The following CNTNAP2 variants were observed in gnomAD, a reference collection of about 807,000 sequenced individuals.
The protein encoded by CNTNAP2 is contactin-associated protein-like 2.
Under a neutral mutation model 155.2 loss-of-function variants are expected in CNTNAP2, and 98 were observed. The observed-to-expected ratio is 0.63, with a 90% CI of 0.54 to 0.75. The LOEUF (loss-of-function observed/expected upper bound fraction) is 0.75. Among genes scored for constraint, CNTNAP2 ranks in the 30% least tolerant of loss-of-function variants. The pLI is 0.00. For synonymous variants in CNTNAP2, 651 were observed against 631.2 expected (o/e 1.03, Z -0.47); for missense variants, 1,727 against 1,688.1 (o/e 1.02, Z -0.40).
intron 10 of CNTNAP2, 85 bp from the exon 11 acceptor site, chr7:147,485,849 TA>T: frequency 7.9e-7 from 1 of 1,262,448 alleles, no homozygotes; most frequent in Non-Finnish European, 1.2e-6. Context: ...ATTGAAATGA[TA>T]TATTGCCCAG....
At chr7:147,414,976 A>G (rs1381789692) in intron 10 of CNTNAP2, among the ~76,000 whole-genome samples, 1 of 151,630 alleles carries the variant, frequency 6.6e-6, no homozygotes, top group Non-Finnish European at 1.5e-5. Context: ...AAAGAAAAAA[A>G]AGAAATGGAT....
intron 4 of CNTNAP2, among the ~76,000 whole-genome samples, chr7:147,069,416 G>A (rs1035354251): frequency 6.6e-6 from 1 of 152,082 alleles, no homozygotes; most frequent in African/African-American, 2.4e-5. Flanking sequence ...CAGAAGAAGG[G>A]GATTATACAG....
intron 21 of CNTNAP2, among the ~76,000 whole-genome samples, chr7:148,312,603 C>T (rs576198910): frequency 2.0e-5 from 3 of 152,172 alleles, no homozygotes; most frequent in South Asian, 2.1e-4. Context: ...GGGTTTGGCA[C>T]CACAGGGTGG....
At chr7:146,508,008 G>T (rs1797409938) in intron 1 of CNTNAP2, among the ~76,000 whole-genome samples, 1 of 152,200 alleles carries the variant, frequency 6.6e-6, no homozygotes, top group African/African-American at 2.4e-5. Flanking sequence ...TCAAATCCGT[G>T]ATAGACAGCA....
chr7:146,456,245 G>A (rs1290133660), intron 1 of CNTNAP2, among the ~76,000 whole-genome samples: 1 of 152,156 alleles, frequency 6.6e-6, no homozygotes, highest in East Asian at 1.9e-4. Flanking sequence ...CTTTAGGTAT[G>A]TATGTATATA....
Position 148,110,858 on chromosome 7 carries a change from A to T in CNTNAP2, c.2384-7260A>T, listed in dbSNP as rs550738788. Among the ~76,000 whole-genome samples, 11 of 152,312 alleles carry T rather than the reference A, an allele frequency of 7.2e-5. No individual in the cohort carries two copies. In the South Asian group the frequency reaches 2.3e-3, roughly 32 times the overall value. Reference sequence around the variant, plus strand: ...ATGGGGGTAAAGCTCCTTAATAAAAACAGAGGAAATTGACTTAATAAGGTT... The same window carrying T: ...ATGGGGGTAAAGCTCCTTAATAAAATCAGAGGAAATTGACTTAATAAGGTT... On this transcript the variant is annotated intron_variant, in intron 15 of 23. Transcript: ENST00000361727.
chr7:147,969,938 T>A (rs199515984), intron 14 of CNTNAP2, among the ~76,000 whole-genome samples: 3 of 119,942 alleles, frequency 2.5e-5, no homozygotes, highest in Non-Finnish European at 3.8e-5. Flanking sequence ...ATTTTATTTA[T>A]TTTATTTTAT....
intron 8 of CNTNAP2, among the ~76,000 whole-genome samples, chr7:147,229,718 G>C (rs569085720): frequency 6.6e-6 from 1 of 152,048 alleles, no homozygotes; most frequent in Non-Finnish European, 1.5e-5. Flanking sequence ...TGTCTATGTC[G>C]ACAAAGGCAT....
At chr7:147,803,277 G>A (rs1386890597) in intron 13 of CNTNAP2, among the ~76,000 whole-genome samples, 1 of 152,148 alleles carries the variant, frequency 6.6e-6, no homozygotes, top group Non-Finnish European at 1.5e-5. Context: ...ATAGTCCAGT[G>A]TTTTTCAGCC....
chr7:146,194,152 A>G (rs572613840), intron 1 of CNTNAP2, among the ~76,000 whole-genome samples: 1 of 152,266 alleles, frequency 6.6e-6, no homozygotes, highest in South Asian at 2.1e-4. Context: ...AACTGTTCCA[A>G]GCTCTGCCTG....
At chr7:147,367,805 A>T (rs1047100954) in intron 9 of CNTNAP2, among the ~76,000 whole-genome samples, 1 of 152,084 alleles carries the variant, frequency 6.6e-6, no homozygotes, top group African/African-American at 2.4e-5. Flanking sequence ...TTTTTAAAAA[A>T]TTTTATGAGA....
intron 14 of CNTNAP2, among the ~76,000 whole-genome samples, chr7:147,950,407 T>C (rs1373305649): frequency 6.6e-6 from 1 of 150,496 alleles, no homozygotes; most frequent in Non-Finnish European, 1.5e-5. Context: ...CTTACAGTTT[T>C]GTTTATTGTG....
At chr7:148,226,845 C>T (rs1166631361) in intron 19 of CNTNAP2, among the ~76,000 whole-genome samples, 2 of 152,200 alleles carry the variant, frequency 1.3e-5, no homozygotes, top group South Asian at 2.1e-4. Context: ...TCAAGTCGCC[C>T]GCTTGGCCCT....
At chr7:146,486,342 G>A (rs1029509897) in intron 1 of CNTNAP2, among the ~76,000 whole-genome samples, 1 of 151,834 alleles carries the variant, frequency 6.6e-6, no homozygotes, top group Non-Finnish European at 1.5e-5. Flanking sequence ...GGGATTACAG[G>A]CGTGAGCAAC....
chr7:146,333,754 ACT>A (rs1200829282), intron 1 of CNTNAP2, among the ~76,000 whole-genome samples: 1 of 152,104 alleles, frequency 6.6e-6, no homozygotes, highest in African/African-American at 2.4e-5. Context: ...TCGGTTGGTA[ACT>A]CTTTTCAAAG....
At chr7:147,155,933 G>A (rs1023999982) in intron 8 of CNTNAP2, among the ~76,000 whole-genome samples, 1 of 152,064 alleles carries the variant, frequency 6.6e-6, no homozygotes, top group African/African-American at 2.4e-5. Flanking sequence ...CAGAGTGTGG[G>A]AAAAATCTGG....
intron 1 of CNTNAP2, among the ~76,000 whole-genome samples, chr7:146,275,823 A>G (rs1379829391): frequency 6.6e-6 from 1 of 152,130 alleles, no homozygotes; most frequent in African/African-American, 2.4e-5. Flanking sequence ...ACCTAATTCA[A>G]TAACTCAGAT....
intron 1 of CNTNAP2, among the ~76,000 whole-genome samples, chr7:146,522,793 A>G (rs2129137667): frequency 6.7e-6 from 1 of 150,018 alleles, no homozygotes; most frequent in Admixed American, 6.7e-5. Context: ...AAAATAAAAT[A>G]ATATCTATTA....
chr7:147,877,574 G>A (rs2710099), intron 13 of CNTNAP2, among the ~76,000 whole-genome samples: 86,203 of 151,550 alleles, frequency 0.57, 25,064 homozygotes, highest in African/African-American at 0.69. Context: ...TCATAGCTAA[G>A]AGAAAGGGTA....
Sources: allele counts gnomAD v4.1 joint callset (sites outside exome capture counted in the v4.1 genomes callset), GRCh38; gene constraint gnomAD v4.1.1; transcripts MANE v1.5; gene names NCBI Gene and HGNC (gene_info 2026-07-23, HGNC 2026-07-21).